KEL: variants seen among roughly 807,000 people sequenced by gnomAD.
KEL encodes the protein Kell metallo-endopeptidase (Kell blood group).
Under a neutral mutation model 99.5 loss-of-function variants are expected in KEL, and 96 were observed. The ratio of observed to expected loss-of-function variants is 0.97; its 90% confidence interval spans 0.82 to 1.14. The LOEUF is 1.14. Ranked by LOEUF, KEL falls within the 50% of genes most tolerant of loss-of-function variation. KEL has a pLI of 0.00. For missense variants in KEL, 926 were observed against 924.2 expected (o/e 1.00, Z -0.03); for synonymous variants, 355 against 354.8 (o/e 1.00, Z -0.01).
chr7:142,941,190 A>T lies in KEL; in HGVS notation c.*62T>A. The stretch of plus-strand genomic sequence containing the variant: ...AGAAAGGAAATCTTGCTCTGATTCC[A>T]TGGATGTGACCAGGGAGGTGTTGGT... On this transcript the variant is annotated 3_prime_UTR_variant, in exon 19 of 19. Coordinates refer to ENST00000355265, the MANE Select transcript of KEL (RefSeq NM_000420.3). 6.4e-7 allele frequency: 1 copy of T among 1,552,378 alleles called. No individual in the cohort carries two copies. The highest frequency in any genetic ancestry group is 1.1e-5 in the South Asian group (1 of 89,814).
intron 9 of KEL, among the ~76,000 whole-genome samples, chr7:142,952,961 C>T (rs1245117922): frequency 6.6e-6 from 1 of 152,168 alleles, no homozygotes; most frequent in Non-Finnish European, 1.5e-5. Context: ...TGGTTATCCT[C>T]AGATGTATCT....
At position 142,943,240 on chromosome 7, in the gene KEL, C is replaced by T. The variant is rs1796415722; in HGVS notation, c.1771+36G>A. ...CCCTTGTGGTCTTCCCTTAGGTTCC[C>T]TATTATCCCACCTCCCAGTGGCCCC... is the stretch of plus-strand genomic sequence containing the variant. On this transcript the variant is annotated intron_variant, in intron 16 of 18. Coordinates refer to ENST00000355265, the MANE Select transcript of KEL (RefSeq NM_000420.3). 2.5e-6 allele frequency: 4 copies of T among 1,609,844 alleles called. No individual in the cohort carries two copies. In the South Asian group the frequency reaches 4.4e-5, roughly 18 times the overall value.
At position 142,941,365 on chromosome 7, in the gene KEL, G is replaced by C. The variant is rs758657888; in HGVS notation, c.2086C>G (p.Pro696Ala). ...GGCCCGTGGACTCGGAGGTGTGGAG[G>C]GCTGTGAGTGTCGTGAGAGTCCTGG... ...SPQDSHDTHS[P>A]PHLRVHGPLS... The change falls in exon 19 of 19, where the codon CCT (proline) becomes GCT (alanine). Residue 696 changes from proline to alanine, a missense_variant. Pro to Ala is a conservative substitution (Grantham distance 27, BLOSUM62 -1). Transcript: ENST00000355265. The C allele has an allele frequency of 6.2e-7, 1 of 1,611,668 alleles. No homozygotes were observed. Among genetic ancestry groups the C allele is most frequent in the Non-Finnish European group, 8.5e-7 (1 of 1,178,096 alleles).
In KEL at chr7:142,957,845, T is replaced by C. The variant is rs1796864644; in HGVS notation, c.654A>G (p.Pro218=). 1 of 1,614,032 alleles carries C rather than the reference T, an allele frequency of 6.2e-7. No individual in the cohort carries two copies. Among genetic ancestry groups the C allele is most frequent in the East Asian group, 2.2e-5 (1 of 44,836 alleles). ...RAYLGPHPAS[P]HTPVIQIDQP... is the part of the protein sequence containing the mutation. Reference sequence around the variant, plus strand: ...CCCTCACCTGGATGACTGGTGTGTGTGGAGAGGCAGGATGAGGTCCTAGGT... The same window carrying C: ...CCCTCACCTGGATGACTGGTGTGTGCGGAGAGGCAGGATGAGGTCCTAGGT... The change falls in exon 6 of 19, where the codon CCA becomes CCG. Residue 218 remains proline, a synonymous_variant. Transcript: ENST00000355265.
At chr7:142,953,343 C>T in intron 9 of KEL, 1 of 974,888 alleles carries the variant, frequency 1.0e-6, no homozygotes, top group South Asian at 4.7e-5. Flanking sequence ...GAGGAATGGC[C>T]CCTCCTCTTC....
chr7:142,957,546 G>A (rs538720116), intron 6 of KEL, among the ~76,000 whole-genome samples: 39 of 152,284 alleles, frequency 2.6e-4, no homozygotes, highest in African/African-American at 7.5e-4. Flanking sequence ...GGCAATCCTA[G>A]AGATAGGAGG....
At chr7:142,951,539 C>T (rs1796685863) in intron 10 of KEL, among the ~76,000 whole-genome samples, 1 of 152,150 alleles carries the variant, frequency 6.6e-6, no homozygotes, top group African/African-American at 2.4e-5. Flanking sequence ...GAGCAACTTC[C>T]TTATCTTTCG....
intron 4 of KEL, 38 bp from the exon 5 acceptor site, chr7:142,958,466 T>C (rs766193289): frequency 1.2e-6 from 2 of 1,604,070 alleles, no homozygotes; most frequent in Non-Finnish European, 1.7e-6. Context: ...TAAACTCTGA[T>C]TTTTTTTATC....
chr7:142,944,527 C>A, intron 12 of KEL, 116 bp downstream of exon 12: 1 of 1,188,828 alleles, frequency 8.4e-7, no homozygotes. Context: ...AGTGGCTTCC[C>A]TACTTAGCAT....
rs1796472858 is a variant in KEL at position 142,944,704 on chromosome 7, A to G, written c.1352T>C (p.Ile451Thr). Residue 451 changes from isoleucine to threonine, a missense_variant, in exon 12 of 19, where the codon ATC becomes ACC. Physicochemically the swap from Ile to Thr is moderately conservative, Grantham distance 89 (BLOSUM62 -1). Transcript: ENST00000355265. ...CCAGGGAAGGTTTCTGAGGCGAGTGATGAGGGCATCCCGGATCGCAGTGAA... is the reference window on the plus strand; with the variant it reads ...CCAGGGAAGGTTTCTGAGGCGAGTGGTGAGGGCATCCCGGATCGCAGTGAA... ...KLFTAIRDAL[I>T]TRLRNLPWMN... 3 of 1,614,146 alleles carry G rather than the reference A, an allele frequency of 1.9e-6. No homozygotes were observed. In the African/African-American group the frequency reaches 4.0e-5, roughly 22 times the overall value.
chr7:142,948,563 C>A (rs974686278), intron 10 of KEL, among the ~76,000 whole-genome samples: 6 of 152,060 alleles, frequency 3.9e-5, no homozygotes, highest in Non-Finnish European at 8.8e-5. Flanking sequence ...AATTTCTAAA[C>A]AAAATTGTGG....
Position 142,943,769 on chromosome 7 carries a change from C to T in KEL, c.1592+14G>A. ...CTCTGGGATGGAGTGCCTGTGTCTC[C>T]CCTGCTGTCATACCTGTGTTGGGGG... is the stretch of plus-strand genomic sequence containing the variant. On this transcript the variant is annotated intron_variant, in intron 14 of 18. Transcript: ENST00000355265. The T allele has an allele frequency of 1.2e-6, 2 of 1,610,042 alleles. No individual in the cohort carries two copies. Among genetic ancestry groups the T allele is most frequent in the East Asian group, 2.2e-5 (1 of 44,854 alleles).
In KEL at chr7:142,961,914, C is replaced by G. The variant is rs753303563; in HGVS notation, c.4-42G>C. 5 of 1,608,580 alleles carry G rather than the reference C, an allele frequency of 3.1e-6. No individual in the cohort carries two copies. In the East Asian group the frequency reaches 8.9e-5, roughly 29 times the overall value. On this transcript the variant is annotated intron_variant, in intron 1 of 18. Transcript: ENST00000355265. The stretch of plus-strand genomic sequence containing the variant: ...GAGAAGGAGGAGAGAGAAGCTGGTT[C>G]AGGAAATGGTGCATTGAAGAGAGTT...
intron 11 of KEL, chr7:142,945,052 C>T (rs1256343713): frequency 4.4e-6 from 2 of 457,638 alleles, no homozygotes; most frequent in Non-Finnish European, 8.0e-6. Flanking sequence ...GGCAGGAACA[C>T]CTCTCAGAAA....
At chr7:142,944,961 TGAGGGCCATCAGG>T in intron 11 of KEL, 3 of 613,174 alleles carry the variant, frequency 4.9e-6, no homozygotes, top group Non-Finnish European at 8.7e-6. Flanking sequence ...TGGCCATCCG[TGAGGGCCATCAGG>T]GAGATATAGT....
intron 9 of KEL, chr7:142,953,515 G>T: frequency 1.9e-6 from 1 of 523,998 alleles, no homozygotes; most frequent in Non-Finnish European, 2.5e-6. Context: ...AGAGGCTCTT[G>T]ACTGGCTGGT....
chr7:142,960,223 C>T (rs1256478862), intron 4 of KEL, among the ~76,000 whole-genome samples: 2 of 152,184 alleles, frequency 1.3e-5, no homozygotes, highest in East Asian at 1.9e-4. Flanking sequence ...TGATGAAGCC[C>T]TCTCTCACTT....
chr7:142,947,953 G>C (rs1796577004), intron 10 of KEL, among the ~76,000 whole-genome samples: 1 of 152,204 alleles, frequency 6.6e-6, no homozygotes, highest in African/African-American at 2.4e-5. Flanking sequence ...GAATCTGCCA[G>C]CCACATTCTG....
rs926561264 is a variant in KEL, at chr7:142,961,189, G to A, written c.224-85C>T. 19 of 1,529,968 alleles carry A rather than the reference G, an allele frequency of 1.2e-5. No homozygotes were observed. The African/African-American group carries it at 1.9e-4, about 15-fold the overall frequency. 94.8% of individuals were successfully genotyped at this position (1,529,968 alleles called of 1,614,324 possible). On this transcript the variant is annotated intron_variant, in intron 3 of 18. Transcript: ENST00000355265. Reference sequence around the variant, plus strand: ...GGGCTAGGCAAAGAACATCAGGTGAGTAACTAAGTGGGGAGCTGATGAAAA... The same window carrying A: ...GGGCTAGGCAAAGAACATCAGGTGAATAACTAAGTGGGGAGCTGATGAAAA...
Sources: gnomAD v4.1 joint callset for allele counts (sites outside exome capture counted in the v4.1 genomes callset) on GRCh38, gnomAD v4.1.1 for gene constraint, MANE v1.5 for transcripts, NCBI Gene and HGNC (gene_info 2026-07-23, HGNC 2026-07-21) for gene names.